BAALC: variants seen among roughly 807,000 people sequenced by gnomAD.
BAALC encodes brain and acute leukemia cytoplasmic protein.
A neutral mutation model predicts 15.5 loss-of-function variants in BAALC; 9 were observed. The ratio of observed to expected loss-of-function variants is 0.58; its 90% confidence interval spans 0.35 to 1.02. BAALC has a LOEUF of 1.02. Ranked by LOEUF, BAALC falls within the 50% of genes least tolerant of loss-of-function variation. The pLI, the probability that BAALC is intolerant of heterozygous loss-of-function variation, is 0.02. For missense variants in BAALC, 201 were observed against 192.4 expected, an observed-to-expected ratio of 1.04 and a Z score of -0.27; for synonymous variants, 80 against 74.6, an observed-to-expected ratio of 1.07 and a Z score of -0.37.
intron 1 of BAALC, among the ~76,000 whole-genome samples, chr8:103,170,594 C>T (rs115813885): frequency 2.9e-4 from 44 of 152,304 alleles, no homozygotes; most frequent in African/African-American, 9.1e-4. Context: ...TCCACAGCCA[C>T]CGCAAGCTAG....
intron 1 of BAALC, chr8:103,183,248 A>C (rs1811765527): frequency 1.5e-6 from 1 of 668,338 alleles, no homozygotes; most frequent in African/African-American, 1.8e-5. Flanking sequence ...AAGATGGCCA[A>C]GAGTCCTTTG....
At chr8:103,205,016 A>G (rs1231667038) in intron 1 of BAALC, among the ~76,000 whole-genome samples, 1 of 152,148 alleles carries the variant, frequency 6.6e-6, no homozygotes, top group Non-Finnish European at 1.5e-5. Flanking sequence ...ACTGGCTGTG[A>G]TTTTAGGAGA....
intron 1 of BAALC, chr8:103,157,125 TACACACACACACACACAC>T (rs67526513): frequency 6.7e-6 from 1 of 149,906 alleles, no homozygotes; most frequent in Non-Finnish European, 1.5e-5. Flanking sequence ...TGTGTGTAGG[TACACACACACACACACAC>T]ACACACACCA....
Position 103,141,045 on chromosome 8 carries a change from G to T in BAALC, c.148G>T (p.Gly50Cys). ...AAPDSGPEAG[G>C]LHSGMLEDGL... The stretch of plus-strand genomic sequence containing the variant: ...CCCGGACAGCGGCCCCGAAGCGGGC[G>T]GCCTGCACTCGGGTAAGTGGCCGGG... The change falls in exon 1 of 3, where the codon GGC becomes TGC. Residue 50 changes from glycine to cysteine, a missense_variant. Physicochemically the swap from Gly to Cys is radical, Grantham distance 159 (BLOSUM62 -3). Transcript: ENST00000309982. 6.7e-7 allele frequency: 1 copy of T among 1,499,264 alleles called. No individual in the cohort carries two copies. Among genetic ancestry groups the T allele is most frequent in the Non-Finnish European group, 8.9e-7 (1 of 1,124,210 alleles). 92.9% of individuals were successfully genotyped at this position (1,499,264 alleles called of 1,614,324 possible).
chr8:103,163,104 C>G (rs1032087038), intron 1 of BAALC, among the ~76,000 whole-genome samples: 2 of 152,022 alleles, frequency 1.3e-5, no homozygotes, highest in African/African-American at 4.8e-5. Context: ...TGGCCAATCT[C>G]CTCTGCCTAC....
chr8:103,225,725 G>A (rs1812793753), intron 2 of BAALC, among the ~76,000 whole-genome samples: 1 of 151,918 alleles, frequency 6.6e-6, no homozygotes, highest in Non-Finnish European at 1.5e-5. Flanking sequence ...CCAGGATATG[G>A]GCCTCTTTGG....
In BAALC at chr8:103,225,340, A is replaced by G. The variant is rs149404349; in HGVS notation, c.328-2649A>G. 4.0e-3 allele frequency among the ~76,000 whole-genome samples: 608 copies of G among 152,352 alleles called. 4 individuals are homozygous for G. In the Middle Eastern group the frequency reaches 0.099, roughly 25 times the overall value. On this transcript the variant is annotated intron_variant, in intron 2 of 2. Coordinates refer to ENST00000309982, the MANE Select transcript of BAALC (RefSeq NM_024812.3). ...CTATCTCATGAAATAAATAGATAAG[A>G]CTAAAATTATGTAGAGTCAAAATTA...
At chr8:103,156,206 A>G (rs150610176) in intron 1 of BAALC, among the ~76,000 whole-genome samples, 2 of 152,228 alleles carry the variant, frequency 1.3e-5, no homozygotes, top group Non-Finnish European at 2.9e-5. Context: ...GCCCTCAGAA[A>G]CATCTCTAAA....
At chr8:103,222,524 T>C (rs1812700526) in intron 2 of BAALC, among the ~76,000 whole-genome samples, 2 of 152,082 alleles carry the variant, frequency 1.3e-5, no homozygotes, top group African/African-American at 2.4e-5. Context: ...TTGGGCAAGA[T>C]AAAAAAATCA....
intron 1 of BAALC, among the ~76,000 whole-genome samples, chr8:103,148,999 C>T (rs1810928033): frequency 6.6e-6 from 1 of 152,154 alleles, no homozygotes; most frequent in Admixed American, 6.5e-5. Flanking sequence ...ACCTCATAAA[C>T]CATTGTTCTC....
chr8:103,223,332 C>T (rs916166404), intron 2 of BAALC, among the ~76,000 whole-genome samples: 2 of 151,416 alleles, frequency 1.3e-5, no homozygotes, highest in South Asian at 4.2e-4. Flanking sequence ...ACAAACAAAA[C>T]TTATCGGCCC....
chr8:103,160,683 A>G (rs1178594596), intron 1 of BAALC, among the ~76,000 whole-genome samples: 1 of 152,144 alleles, frequency 6.6e-6, no homozygotes, highest in African/African-American at 2.4e-5. Context: ...CATGATCACA[A>G]GGTCCCACAA....
chr8:103,207,138 G>T (rs1812348866), intron 1 of BAALC, among the ~76,000 whole-genome samples: 2 of 151,700 alleles, frequency 1.3e-5, no homozygotes, highest in East Asian at 2.0e-4. Context: ...GGCACTAATA[G>T]CATCTGTTGG....
chr8:103,183,667 G>A (rs1282400894), intron 1 of BAALC, among the ~76,000 whole-genome samples: 1 of 152,172 alleles, frequency 6.6e-6, no homozygotes, highest in Non-Finnish European at 1.5e-5. Context: ...TTCCAACAAA[G>A]TTGCAGTGAG....
At chr8:103,160,694 T>G (rs1371039231) in intron 1 of BAALC, among the ~76,000 whole-genome samples, 2 of 152,110 alleles carry the variant, frequency 1.3e-5, no homozygotes, top group African/African-American at 4.8e-5. Flanking sequence ...GGTCCCACAA[T>G]AGGCTGTCTG....
chr8:103,210,112 T>C (rs1314333234), intron 1 of BAALC, among the ~76,000 whole-genome samples: 1 of 152,122 alleles, frequency 6.6e-6, no homozygotes, highest in East Asian at 1.9e-4. Context: ...TACTGTGGTG[T>C]TCATACACAT....
intron 1 of BAALC, among the ~76,000 whole-genome samples, chr8:103,194,043 C>T (rs1586419324): frequency 1.3e-5 from 2 of 152,268 alleles, no homozygotes; most frequent in East Asian, 3.9e-4. Flanking sequence ...GAAAAAATAT[C>T]AAAAAGCAAG....
intron 1 of BAALC, among the ~76,000 whole-genome samples, chr8:103,190,006 G>A (rs1339214516): frequency 6.6e-6 from 1 of 152,078 alleles, no homozygotes; most frequent in Non-Finnish European, 1.5e-5. Context: ...AGCATAAATA[G>A]AGAACAAAGG....
chr8:103,198,276 G>A, intron 1 of BAALC: 1 of 559,104 alleles, frequency 1.8e-6, no homozygotes, highest in Middle Eastern at 3.3e-4. Context: ...TAGCATATTT[G>A]ATGATTAAAT....
Sources: allele counts gnomAD v4.1 joint callset (sites outside exome capture counted in the v4.1 genomes callset), GRCh38; gene constraint gnomAD v4.1.1; transcripts MANE v1.5; gene names NCBI Gene and HGNC (gene_info 2026-07-23, HGNC 2026-07-21).